BEND7: variants seen among roughly 807,000 people sequenced by gnomAD.
The protein encoded by BEND7 is BEN domain containing 7.
In BEND7, 28 loss-of-function variants were observed where a neutral mutation model predicts 50.9. The ratio of observed to expected loss-of-function variants is 0.55; its 90% CI spans 0.41 to 0.75. BEND7 has a LOEUF of 0.75. Ranked by LOEUF, BEND7 falls within the 30% of genes least tolerant of loss-of-function variation. The probability of loss-of-function intolerance (pLI) is 0.00; values close to 1 mark genes in which losing one functional copy is unlikely to be tolerated. For synonymous variants in BEND7, 170 were observed against 183.9 expected (o/e 0.92, Z 0.61); for missense variants, 477 against 491.3 (o/e 0.97, Z 0.28).
intron 6 of BEND7, among the ~76,000 whole-genome samples, chr10:13,455,053 T>C (rs888854025): frequency 6.6e-6 from 1 of 152,010 alleles, no homozygotes; most frequent in East Asian, 1.9e-4. Context: ...GCGCCTGCAG[T>C]CCCAGCTACT....
At chr10:13,521,597 G>C (rs2079081614) in intron 2 of BEND7, among the ~76,000 whole-genome samples, 1 of 152,222 alleles carries the variant, frequency 6.6e-6, no homozygotes, top group African/African-American at 2.4e-5. Flanking sequence ...GAGGAACAGA[G>C]GGGAAGCACT....
At chr10:13,472,674 T>C (rs550709726) in intron 6 of BEND7, among the ~76,000 whole-genome samples, 21 of 151,974 alleles carry the variant, frequency 1.4e-4, no homozygotes, top group African/African-American at 4.6e-4. Context: ...ACTGTTAGAC[T>C]CAGGGTCGAT....
At position 13,484,637 on chromosome 10, in the gene BEND7, G is replaced by C. The variant is rs149067118; in HGVS notation, c.838-3513C>G. Among the ~76,000 whole-genome samples, 343 of 152,320 alleles carry C rather than the reference G, an allele frequency of 2.3e-3. 3 individuals are homozygous for C. Among genetic ancestry groups the C allele is most frequent in the African/African-American group, 7.8e-3 (324 of 41,576 alleles). The stretch of plus-strand genomic sequence containing the variant: ...TTTGATACTCAAGCCAAAGTAGAAA[G>C]CGAATATGTTAATTTACAGATTTTA... On this transcript the variant is annotated intron_variant, in intron 5 of 8. Coordinates refer to ENST00000466271, the MANE Select transcript of BEND7 (RefSeq NM_001369863.1).
At chr10:13,508,140 G>A (rs1435310504) in intron 2 of BEND7, among the ~76,000 whole-genome samples, 1 of 152,166 alleles carries the variant, frequency 6.6e-6, no homozygotes, top group Non-Finnish European at 1.5e-5. Context: ...TGTGCTTTGA[G>A]GACCTGAGGC....
intron 2 of BEND7, among the ~76,000 whole-genome samples, chr10:13,507,925 G>A (rs911182975): frequency 2.6e-5 from 4 of 152,200 alleles, no homozygotes; most frequent in African/African-American, 9.6e-5. Flanking sequence ...ATAATAAGAT[G>A]ACCAGGATTA....
rs189526275 is a variant in BEND7 at position 13,507,127 on chromosome 10, T to C, written c.146-7047A>G. On this transcript the variant is annotated intron_variant, in intron 2 of 8. Coordinates refer to ENST00000466271, the MANE Select transcript of BEND7 (RefSeq NM_001369863.1). ...AATTTAGGGGGTGGAGGACATCTTA[T>C]AGAGAGATATTAGATCTTCTACTAA... 2.8e-3 allele frequency among the ~76,000 whole-genome samples: 422 copies of C among 152,274 alleles called. 2 individuals are homozygous for C. Among genetic ancestry groups the C allele is most frequent in the Non-Finnish European group, 4.2e-3 (287 of 68,026 alleles).
intron 2 of BEND7, among the ~76,000 whole-genome samples, chr10:13,525,449 G>A (rs531667097): frequency 5.3e-5 from 8 of 152,286 alleles, no homozygotes; most frequent in South Asian, 2.1e-4. Flanking sequence ...CATCCCTGAC[G>A]TGAGCTGGGA....
rs936589499 is a variant in BEND7 at position 13,496,891 on chromosome 10, G to C, written c.449-3C>G. On this transcript the variant is annotated splice_region_variant and splice_polypyrimidine_tract_variant and intron_variant, in intron 3 of 8. Transcript: ENST00000466271. ...TGAATTCACCACTGGAAGTTCTCCT[G>C]AGCATGAAAGAAAAGAATGACATAC... 8 of 1,544,800 alleles carry C rather than the reference G, an allele frequency of 5.2e-6. No homozygotes were observed. Among genetic ancestry groups the C allele is most frequent in the Non-Finnish European group, 6.1e-6 (7 of 1,149,188 alleles).
rs780974050 is a variant in BEND7 at position 13,452,671 on chromosome 10, G to T, written c.1064-13C>A. 6.4e-7 allele frequency: 1 copy of T among 1,567,238 alleles called. No homozygotes were observed. Among genetic ancestry groups the T allele is most frequent in the Non-Finnish European group, 8.6e-7 (1 of 1,156,208 alleles). ...TTTTCTGTGAAGACTGAAAGAAAAT[G>T]TAAAATATTGTTAAATACCTTAACA... On this transcript the variant is annotated splice_polypyrimidine_tract_variant and intron_variant, in intron 6 of 8. Transcript: ENST00000466271.
chr10:13,487,489 C>T (rs1490337663), intron 5 of BEND7, among the ~76,000 whole-genome samples: 4 of 150,774 alleles, frequency 2.7e-5, no homozygotes, highest in South Asian at 4.2e-4. Flanking sequence ...CAGGTTCAAG[C>T]GATTCTCCTG....
chr10:13,513,655 A>G (rs1040333174), intron 2 of BEND7, among the ~76,000 whole-genome samples: 1 of 152,112 alleles, frequency 6.6e-6, no homozygotes, highest in African/African-American at 2.4e-5. Flanking sequence ...CCATGGGGCT[A>G]CTGCCACAAG....
At chr10:13,491,805 A>G (rs1392220184) in intron 5 of BEND7, among the ~76,000 whole-genome samples, 3 of 152,178 alleles carry the variant, frequency 2.0e-5, no homozygotes, top group African/African-American at 7.2e-5. Context: ...AATCCTATAC[A>G]GGCCTGCGGG....
At chr10:13,483,084 AAGC>A (rs1202312738) in intron 5 of BEND7, among the ~76,000 whole-genome samples, 3 of 152,264 alleles carry the variant, frequency 2.0e-5, no homozygotes, top group African/African-American at 7.2e-5. Flanking sequence ...TATCTTACAG[AAGC>A]AGCTAATCAC....
At chr10:13,471,882 C>T (rs967159028) in intron 6 of BEND7, among the ~76,000 whole-genome samples, 2 of 152,342 alleles carry the variant, frequency 1.3e-5, no homozygotes, top group East Asian at 3.9e-4. Flanking sequence ...GGGGTCAATA[C>T]CCATCATCAC....
chr10:13,524,573 G>A (rs1034322812), intron 2 of BEND7, among the ~76,000 whole-genome samples: 7 of 151,486 alleles, frequency 4.6e-5, no homozygotes, highest in African/African-American at 1.7e-4. Flanking sequence ...GAACCTGGGA[G>A]GCAGGGGTTG....
intron 5 of BEND7, among the ~76,000 whole-genome samples, chr10:13,482,031 T>C (rs1401929015): frequency 6.6e-6 from 1 of 152,260 alleles, no homozygotes; most frequent in African/African-American, 2.4e-5. Flanking sequence ...TCCTAACTCC[T>C]TCCTGCCCAT....
chr10:13,474,055 G>C (rs1371724285), intron 6 of BEND7, among the ~76,000 whole-genome samples: 2 of 151,852 alleles, frequency 1.3e-5, no homozygotes, highest in African/African-American at 4.8e-5. Context: ...TCTTAGATTT[G>C]GGGTCGATAC....
In BEND7 at chr10:13,492,929, A is replaced by G. The variant is rs1483565656; in HGVS notation, c.572-53T>C. On this transcript the variant is annotated intron_variant, in intron 4 of 8. Coordinates refer to ENST00000466271, the MANE Select transcript of BEND7 (RefSeq NM_001369863.1). ...CAGGCACGTGTGTCTGACTTAGGAA[A>G]ACTTATCTCCGGTCTATCCATGTGA... 20 of 1,564,174 alleles carry G rather than the reference A, an allele frequency of 1.3e-5. No individual in the cohort carries two copies. In the South Asian group the frequency reaches 1.3e-4, roughly 10 times the overall value.
At chr10:13,493,852 A>C (rs1022158028) in intron 4 of BEND7, among the ~76,000 whole-genome samples, 3 of 152,234 alleles carry the variant, frequency 2.0e-5, no homozygotes, top group Non-Finnish European at 1.5e-5. Context: ...CCTGCTTTTC[A>C]ACAGAAATGA....
Sources: allele counts gnomAD v4.1 joint callset (sites outside exome capture counted in the v4.1 genomes callset), GRCh38; gene constraint gnomAD v4.1.1; transcripts MANE v1.5; gene names NCBI Gene and HGNC (gene_info 2026-07-23, HGNC 2026-07-21).